EXOC2: variants seen among roughly 807,000 people sequenced by gnomAD.
EXOC2 encodes the protein SEC5-like 1.
In EXOC2, 70 loss-of-function variants were observed where a neutral mutation model predicts 131.8. The ratio of observed to expected loss-of-function variants is 0.53; its 90% CI spans 0.44 to 0.65. The LOEUF (loss-of-function observed/expected upper bound fraction) is 0.65. Ranked by LOEUF, EXOC2 falls within the 30% of genes least tolerant of loss-of-function variation. The pLI is 0.00. For synonymous variants in EXOC2, 411 were observed against 398.4 expected, an observed-to-expected ratio of 1.03 and a Z score of -0.38; for missense variants, 923 against 1,108.6, an observed-to-expected ratio of 0.83 and a Z score of 2.38.
At chr6:505,302 G>A (rs1764475238) in intron 23 of EXOC2, among the ~76,000 whole-genome samples, 1 of 152,166 alleles carries the variant, frequency 6.6e-6, no homozygotes, top group African/African-American at 2.4e-5. Flanking sequence ...GTTGAGAATG[G>A]CTCAATGTCA....
intron 1 of EXOC2, among the ~76,000 whole-genome samples, chr6:650,353 G>T (rs1272976589): frequency 1.3e-5 from 2 of 152,174 alleles, no homozygotes; most frequent in Admixed American, 6.5e-5. Flanking sequence ...CTGAGCTCTT[G>T]TTCCTAGGAG....
chr6:525,985 G>A (rs1293386360), intron 23 of EXOC2, among the ~76,000 whole-genome samples: 2 of 152,024 alleles, frequency 1.3e-5, no homozygotes, highest in Non-Finnish European at 2.9e-5. Context: ...CTACTGATGG[G>A]CATTTAGTTT....
intron 4 of EXOC2, among the ~76,000 whole-genome samples, chr6:624,526 T>G (rs1761454645): frequency 6.6e-6 from 1 of 152,232 alleles, no homozygotes; most frequent in Non-Finnish European, 1.5e-5. Flanking sequence ...AAGTATTATT[T>G]GATTCCCATG....
At chr6:497,041 G>T (rs1041442291) in intron 25 of EXOC2, among the ~76,000 whole-genome samples, 2 of 151,718 alleles carry the variant, frequency 1.3e-5, no homozygotes, top group Non-Finnish European at 2.9e-5. Context: ...CTTATTAAAA[G>T]CAAGTTGTTA....
intron 4 of EXOC2, among the ~76,000 whole-genome samples, chr6:625,466 A>T (rs1163592337): frequency 1.3e-5 from 2 of 148,336 alleles, no homozygotes; most frequent in East Asian, 4.0e-4. Context: ...TTCAATTTTT[A>T]CCAACATTGT....
rs1474037431 is a variant in EXOC2, at chr6:643,035, T to C, written c.-43-5174A>G. 3.3e-5 allele frequency among the ~76,000 whole-genome samples: 5 copies of C among 152,126 alleles called. No homozygotes were observed. The East Asian group carries it at 9.6e-4, about 29-fold the overall frequency. On this transcript the variant is annotated intron_variant, in intron 1 of 27. Coordinates refer to ENST00000230449, the MANE Select transcript of EXOC2 (RefSeq NM_018303.6). ...CACAAAGCAATTTGGTAGGAGAGTT[T>C]ATAATGATGAAAGGACAAATTCATC...
At chr6:572,217 G>A (rs1758324330) in intron 13 of EXOC2, among the ~76,000 whole-genome samples, 2 of 152,060 alleles carry the variant, frequency 1.3e-5, no homozygotes, top group African/African-American at 2.4e-5. Flanking sequence ...ATCTCAATTC[G>A]GAGTCCCTGA....
At chr6:606,568 C>A (rs4960096) in intron 7 of EXOC2, among the ~76,000 whole-genome samples, 72,659 of 152,054 alleles carry the variant, frequency 0.48, 18,872 homozygotes, top group East Asian at 0.61. Context: ...ATGAATCAAG[C>A]CTCTTTTCTG....
intron 23 of EXOC2, among the ~76,000 whole-genome samples, chr6:523,074 GA>G (rs201000651): frequency 4.6e-5 from 7 of 151,452 alleles, no homozygotes; most frequent in African/African-American, 1.2e-4. Flanking sequence ...ATCAGATAGG[GA>G]AAAAAAAATC....
intron 22 of EXOC2, among the ~76,000 whole-genome samples, chr6:539,853 G>C (rs1766702347): frequency 6.6e-6 from 1 of 152,030 alleles, no homozygotes; most frequent in Non-Finnish European, 1.5e-5. Flanking sequence ...ATTTTTTTTA[G>C]CTCTTTTCAA....
At chr6:549,948 C>T (rs1294611793) in intron 21 of EXOC2, among the ~76,000 whole-genome samples, 1 of 152,248 alleles carries the variant, frequency 6.6e-6, no homozygotes, top group East Asian at 1.9e-4. Context: ...CTTCTACATT[C>T]TCCAGGGTTC....
At chr6:624,835 G>A (rs540903709) in intron 4 of EXOC2, among the ~76,000 whole-genome samples, 50 of 152,358 alleles carry the variant, frequency 3.3e-4, no homozygotes, top group African/African-American at 1.2e-3. Context: ...TCTTACGTTT[G>A]TTCAGAATAA....
At chr6:497,226 T>C (rs1255409520) in intron 25 of EXOC2, 141 bp downstream of exon 25, 6 of 701,128 alleles carry the variant, frequency 8.6e-6, no homozygotes, top group Non-Finnish European at 1.4e-5. Flanking sequence ...GGGTATGGCT[T>C]ATGCAAGAAA....
At chr6:505,908 T>C (rs1764521615) in intron 23 of EXOC2, among the ~76,000 whole-genome samples, 1 of 152,198 alleles carries the variant, frequency 6.6e-6, no homozygotes, top group Non-Finnish European at 1.5e-5. Context: ...ACTTATGCAG[T>C]TGATAAGTGA....
At chr6:532,732 T>G in intron 22 of EXOC2, 122 bp from the exon 23 acceptor site, 1 of 968,708 alleles carries the variant, frequency 1.0e-6, no homozygotes, top group South Asian at 3.1e-5. Flanking sequence ...CTACAAAAAC[T>G]CGTGACTTTT....
rs188362568 is a variant in EXOC2 at position 664,552 on chromosome 6, T to C, written c.-43-26691A>G. On this transcript the variant is annotated intron_variant, in intron 1 of 27. Coordinates refer to ENST00000230449, the MANE Select transcript of EXOC2 (RefSeq NM_018303.6). ...GATTTCAAACTATACTATAAGGCCA[T>C]AGTCACCAAAACAGTGTGGTACTGG... 3.9e-5 allele frequency among the ~76,000 whole-genome samples: 6 copies of C among 152,254 alleles called. No individual in the cohort carries two copies. In the East Asian group the frequency reaches 7.7e-4, roughly 20 times the overall value.
At chr6:617,055 T>C (rs568770684) in intron 6 of EXOC2, among the ~76,000 whole-genome samples, 2 of 152,350 alleles carry the variant, frequency 1.3e-5, no homozygotes, top group East Asian at 3.9e-4. Context: ...TTATGGATAC[T>C]TAAGCTATAT....
chr6:610,009 G>A (rs953103851), intron 7 of EXOC2, 89 bp downstream of exon 7: 1 of 1,091,778 alleles, frequency 9.2e-7, no homozygotes. Flanking sequence ...GCAACTTACT[G>A]CCTTGTCCCG....
rs546056423 is a variant in EXOC2, at chr6:651,332, C to T, written c.-43-13471G>A. On this transcript the variant is annotated intron_variant, in intron 1 of 27. Transcript: ENST00000230449. ...ACAGGCGTGAGCCACCGCGCCCGGC[C>T]GTGTTCTCCATTTTTATCTTGCATT... Among the ~76,000 whole-genome samples the T allele has an allele frequency of 2.9e-3, 441 of 152,194 alleles. 1 individual carries two copies. The highest frequency in any genetic ancestry group is 0.01 in the African/African-American group (426 of 41,522).
Sources: allele counts gnomAD v4.1 joint callset (sites outside exome capture counted in the v4.1 genomes callset), GRCh38; gene constraint gnomAD v4.1.1; transcripts MANE v1.5; gene names NCBI Gene and HGNC (gene_info 2026-07-23, HGNC 2026-07-21).